PLXDC2: variants seen among roughly 807,000 people sequenced by gnomAD.
PLXDC2 encodes plexin domain-containing protein 2.
Under a neutral mutation model 68.9 loss-of-function variants are expected in PLXDC2, and 40 were observed. The ratio of observed to expected loss-of-function variants is 0.58; its 90% CI spans 0.45 to 0.76. The LOEUF is 0.76. Among genes scored for constraint, PLXDC2 ranks in the 30% least tolerant of loss-of-function variants. The pLI is 0.00. For synonymous variants in PLXDC2, 243 were observed against 234.2 expected, an observed-to-expected ratio of 1.04 and a Z score of -0.34; for missense variants, 644 against 661.9, an observed-to-expected ratio of 0.97 and a Z score of 0.30.
intron 2 of PLXDC2, among the ~76,000 whole-genome samples, chr10:20,033,699 A>G (rs1190966156): frequency 6.6e-6 from 1 of 152,172 alleles, no homozygotes; most frequent in Non-Finnish European, 1.5e-5. Flanking sequence ...ACAGCATGGG[A>G]AAGATTCACC....
chr10:19,990,074 G>A (rs1221528823), intron 1 of PLXDC2, among the ~76,000 whole-genome samples: 3 of 151,912 alleles, frequency 2.0e-5, no homozygotes, highest in Non-Finnish European at 4.4e-5. Flanking sequence ...ATGAGGTCAT[G>A]CTTACTTTAC....
chr10:20,239,906 C>T (rs565611022), intron 12 of PLXDC2, among the ~76,000 whole-genome samples: 2 of 152,324 alleles, frequency 1.3e-5, no homozygotes, highest in Admixed American at 6.5e-5. Context: ...TTCTAAATTT[C>T]AGCTTTGCAT....
intron 4 of PLXDC2, among the ~76,000 whole-genome samples, chr10:20,104,367 C>G (rs1833461986): frequency 6.6e-6 from 1 of 152,146 alleles, no homozygotes; most frequent in African/African-American, 2.4e-5. Flanking sequence ...TTTAAGCCTC[C>G]TATCTTTAAT....
At chr10:20,035,965 G>T (rs1199937649) in intron 2 of PLXDC2, among the ~76,000 whole-genome samples, 2 of 152,124 alleles carry the variant, frequency 1.3e-5, no homozygotes, top group African/African-American at 4.8e-5. Flanking sequence ...GTAAGAAATA[G>T]ATCAAGACAG....
chr10:20,130,420 T>C (rs1183356288), intron 4 of PLXDC2, among the ~76,000 whole-genome samples: 2 of 152,128 alleles, frequency 1.3e-5, no homozygotes, highest in Non-Finnish European at 2.9e-5. Flanking sequence ...TTAAGGGTTT[T>C]GTATATAGAG....
At chr10:19,829,505 A>G (rs1312613623) in intron 1 of PLXDC2, among the ~76,000 whole-genome samples, 1 of 152,164 alleles carries the variant, frequency 6.6e-6, no homozygotes, top group Non-Finnish European at 1.5e-5. Context: ...TTAAAGTATC[A>G]ACGACAGGCC....
At chr10:20,044,220 T>C (rs1363344917) in intron 2 of PLXDC2, among the ~76,000 whole-genome samples, 2 of 16,310 alleles carry the variant, frequency 1.2e-4, no homozygotes, top group Non-Finnish European at 2.2e-4. Context: ...TGTCTTTCTT[T>C]CTTTCTTTCT....
At chr10:20,061,975 G>C (rs77502183) in intron 3 of PLXDC2, among the ~76,000 whole-genome samples, 2,167 of 152,266 alleles carry the variant, frequency 0.014, 24 homozygotes, top group Non-Finnish European at 0.022. Context: ...TAGTTTTAAA[G>C]AACTATTGCT....
chr10:20,115,348 C>T (rs1005156319), intron 4 of PLXDC2, among the ~76,000 whole-genome samples: 3 of 152,132 alleles, frequency 2.0e-5, no homozygotes, highest in African/African-American at 7.2e-5. Context: ...AAGCTGACCC[C>T]TTATCTAAGG....
intron 1 of PLXDC2, among the ~76,000 whole-genome samples, chr10:19,840,970 T>C (rs189505483): frequency 6.6e-6 from 1 of 152,324 alleles, no homozygotes; most frequent in Admixed American, 6.5e-5. Context: ...GCCACCAATT[T>C]AATTCCAGAA....
chr10:20,146,640 G>C (rs1355898034), intron 5 of PLXDC2, among the ~76,000 whole-genome samples: 1 of 150,130 alleles, frequency 6.7e-6, no homozygotes, highest in South Asian at 2.1e-4. Flanking sequence ...CCAAGGTCAA[G>C]TTAAAAAACT....
intron 9 of PLXDC2, among the ~76,000 whole-genome samples, chr10:20,200,242 A>C (rs561439317): frequency 6.6e-6 from 1 of 152,172 alleles, no homozygotes; most frequent in African/African-American, 2.4e-5. Context: ...TTTAACAAAA[A>C]GAACAGCCCA....
intron 5 of PLXDC2, among the ~76,000 whole-genome samples, chr10:20,147,542 T>A (rs1834095806): frequency 6.6e-6 from 1 of 152,190 alleles, no homozygotes; most frequent in African/African-American, 2.4e-5. Flanking sequence ...CACACTGCAT[T>A]AGCTCAATTA....
At chr10:20,048,838 A>G (rs886263075) in intron 3 of PLXDC2, among the ~76,000 whole-genome samples, 1 of 152,048 alleles carries the variant, frequency 6.6e-6, no homozygotes, top group Non-Finnish European at 1.5e-5. Flanking sequence ...TTGCCTTGTG[A>G]CAGCTCTCTG....
chr10:19,933,805 G>A (rs1189562610), intron 1 of PLXDC2, among the ~76,000 whole-genome samples: 1 of 140,322 alleles, frequency 7.1e-6, no homozygotes, highest in East Asian at 2.4e-4. Context: ...AGGGCAGGAG[G>A]GAGGGAAAAA....
intron 1 of PLXDC2, among the ~76,000 whole-genome samples, chr10:19,884,130 C>T (rs958551083): frequency 2.0e-5 from 3 of 151,158 alleles, no homozygotes; most frequent in Non-Finnish European, 4.4e-5. Flanking sequence ...CTCCTGAGCT[C>T]AAGTGATCCA....
chr10:19,822,195 A>G (rs1254822572), intron 1 of PLXDC2, among the ~76,000 whole-genome samples: 1 of 149,282 alleles, frequency 6.7e-6, no homozygotes, highest in African/African-American at 2.4e-5. Context: ...TATATAGTAT[A>G]TATGCACTAT....
At chr10:20,039,839 A>G (rs1835647497) in intron 2 of PLXDC2, among the ~76,000 whole-genome samples, 2 of 152,228 alleles carry the variant, frequency 1.3e-5, no homozygotes, top group African/African-American at 2.4e-5. Flanking sequence ...TCTTCCACCC[A>G]TATCTTTAGA....
At chr10:20,066,282 T>C (rs571223893) in intron 3 of PLXDC2, among the ~76,000 whole-genome samples, 2 of 152,368 alleles carry the variant, frequency 1.3e-5, no homozygotes, top group South Asian at 4.1e-4. Flanking sequence ...TATCTTAATC[T>C]AATTCCAAAC....
Sources: gnomAD v4.1 joint callset for allele counts (sites outside exome capture counted in the v4.1 genomes callset) on GRCh38, gnomAD v4.1.1 for gene constraint, MANE v1.5 for transcripts, NCBI Gene and HGNC (gene_info 2026-07-23, HGNC 2026-07-21) for gene names.